Variants in HES2 observed in about 807,000 individuals in gnomAD.
The protein encoded by HES2 is hes family bHLH transcription factor 2.
Under a neutral mutation model 11.9 loss-of-function variants are expected in HES2, and 11 were observed. The ratio of observed to expected loss-of-function variants is 0.92; its 90% CI spans 0.58 to 1.53. The LOEUF is 1.53. Ranked by LOEUF, HES2 falls within the 40% of genes most tolerant of loss-of-function variation. The pLI, the probability that HES2 is intolerant of heterozygous loss-of-function variation, is 0.00. For missense variants in HES2, 260 were observed against 253.8 expected (o/e 1.02, Z -0.16); for synonymous variants, 125 against 122.8 (o/e 1.02, Z -0.12).
rs537924741 is a variant in HES2, at chr1:6,416,583, C to T, written c.*2290G>A. On this transcript the variant is annotated 3_prime_UTR_variant, in exon 4 of 4. Transcript: ENST00000377834. ...CTGGCCCATCTACAATCCTTCTCCC[C>T]GTGACTGCTTGAGTTGTAGCTTGAT... The T allele has an allele frequency of 2.6e-5, 4 of 152,298 alleles. No homozygotes were observed. Among genetic ancestry groups the T allele is most frequent in the South Asian group, 2.1e-4 (1 of 4,818 alleles). 9.4% of individuals were successfully genotyped at this position (152,298 alleles called of 1,614,324 possible).
chr1:6,415,388 A>G lies in HES2; in HGVS notation c.*3485T>C, dbSNP rs1642835000. On this transcript the variant is annotated 3_prime_UTR_variant, in exon 4 of 4. Coordinates refer to ENST00000377834, the MANE Select transcript of HES2 (RefSeq NM_019089.5). ...TTGTATCTGTGTGTCACACTTTCGC[A>G]ATTCTTGCAATATTTCAAACTTCTT... 6.6e-6 allele frequency: 1 copy of G among 151,446 alleles called. No homozygotes were observed. 9.4% of individuals were successfully genotyped at this position (151,446 alleles called of 1,614,324 possible).
chr1:6,419,716 G>A lies in HES2; in HGVS notation c.46-14C>T. 1.3e-6 allele frequency: 2 copies of A among 1,551,756 alleles called. No individual in the cohort carries two copies. The highest frequency in any genetic ancestry group is 1.2e-5 in the South Asian group (1 of 84,282). Reference sequence around the variant, plus strand: ...CGGCTTCAGGCTCTGCGGACGGGCGGCGCGGTGGTTAGACGGGTCCCCGGA... The same window carrying A: ...CGGCTTCAGGCTCTGCGGACGGGCGACGCGGTGGTTAGACGGGTCCCCGGA... On this transcript the variant is annotated splice_polypyrimidine_tract_variant and intron_variant, in intron 1 of 3. Transcript: ENST00000377834. The surrounding 1 kb of genome is among the most constrained non-coding windows in gnomAD (Gnocchi z 8.1).
rs1642892173 is a variant in HES2, at chr1:6,419,841, C to A, written c.-21G>T. 4 of 1,536,642 alleles carry A rather than the reference C, an allele frequency of 2.6e-6. No homozygotes were observed. Among genetic ancestry groups the A allele is most frequent in the Non-Finnish European group, 3.5e-6 (4 of 1,146,924 alleles). On this transcript the variant is annotated 5_prime_UTR_variant, in exon 1 of 4. Transcript: ENST00000377834. The surrounding 1 kb of genome is among the most constrained non-coding windows in gnomAD (Gnocchi z 8.1). ...CCCATGCTCCGCGGGGAAGCGGTGG[C>A]AGCTGCGAGCCCCACGCAAAGGGAA...
At position 6,419,224 on chromosome 1, in the gene HES2, A is replaced by G. The variant is rs772283479; in HGVS notation, c.241+17T>C. On this transcript the variant is annotated intron_variant, in intron 3 of 3. Coordinates refer to ENST00000377834, the MANE Select transcript of HES2 (RefSeq NM_019089.5). This position sits in a 1 kb window ranked among gnomAD's most constrained non-coding sequence, Gnocchi z 8.1. ...CGGGGTGCAGAGCGCGCGGCAGGGC[A>G]GGGAGGGCTCACTCACGGGGCGCTG... 6.2e-7 allele frequency: 1 copy of G among 1,604,006 alleles called. No homozygotes were observed. Among genetic ancestry groups the G allele is most frequent in the Admixed American group, 1.7e-5 (1 of 59,568 alleles).
At position 6,419,500 on chromosome 1, in the gene HES2, G is replaced by A; in HGVS notation, c.141+107C>T. The A allele has an allele frequency of 8.2e-7, 1 of 1,222,888 alleles. No homozygotes were observed. The highest frequency in any genetic ancestry group is 2.8e-5 in the East Asian group (1 of 36,242). 75.8% of individuals were successfully genotyped at this position (1,222,888 alleles called of 1,614,324 possible). ...GCCCACCCCACCCAGGCTCCGCCTC[G>A]GGCGCCGCGCGGAACCCCCTGGTGG... On this transcript the variant is annotated intron_variant, in intron 2 of 3. Coordinates refer to ENST00000377834, the MANE Select transcript of HES2 (RefSeq NM_019089.5). This position sits in a 1 kb window ranked among gnomAD's most constrained non-coding sequence, Gnocchi z 8.1.
chr1:6,419,738 C>T lies in HES2; in HGVS notation c.46-36G>A, dbSNP rs992695569. On this transcript the variant is annotated intron_variant, in intron 1 of 3. Coordinates refer to ENST00000377834, the MANE Select transcript of HES2 (RefSeq NM_019089.5). This position sits in a 1 kb window ranked among gnomAD's most constrained non-coding sequence, Gnocchi z 8.1. ...GCGGCGCGGTGGTTAGACGGGTCCC[C>T]GGAGTCCCCAGCCCCGCCCCCAGTC... 4 of 1,551,930 alleles carry T rather than the reference C, an allele frequency of 2.6e-6. No homozygotes were observed. The African/African-American group carries it at 4.1e-5, about 16-fold the overall frequency.
Position 6,419,610 on chromosome 1 carries a change from C to T in HES2, c.138G>A (p.Arg46=), listed in dbSNP as rs1571372948. The change falls in exon 2 of 4, where the codon CGG becomes CGA. Residue 46 remains arginine, a synonymous_variant. Coordinates refer to ENST00000377834, the MANE Select transcript of HES2 (RefSeq NM_019089.5). This position sits in a 1 kb window ranked among gnomAD's most constrained non-coding sequence, Gnocchi z 8.1. The stretch of plus-strand genomic sequence containing the variant: ...CCCTCCGCCCGGGCGCGCTCACCTC[C>T]CGGCCCAGCAGCGGCAGGATGAGCC... ...LKGLILPLLG[R]ENSNCSKLEK... 1 of 1,536,032 alleles carries T rather than the reference C, an allele frequency of 6.5e-7. No homozygotes were observed. The highest frequency in any genetic ancestry group is 8.7e-7 in the Non-Finnish European group (1 of 1,144,756).
chr1:6,419,089 G>T lies in HES2; in HGVS notation c.306C>A (p.Pro102=). ...ACVARLARVL[P]ACRVLEPAVS... ...CGGCGGGCTCCAGGACACGGCAGGC[G>T]GGCAGCACGCGGGCCAGGCGCGCCA... The change falls in exon 4 of 4, where the codon CCC becomes CCA. Residue 102 remains proline (P), a synonymous_variant. Transcript: ENST00000377834. The surrounding 1 kb of genome is among the most constrained non-coding windows in gnomAD (Gnocchi z 8.1). 1 of 1,501,474 alleles carries T rather than the reference G, an allele frequency of 6.7e-7. No individual in the cohort carries two copies. Among genetic ancestry groups the T allele is most frequent in the South Asian group, 1.2e-5 (1 of 80,642 alleles). 93.0% of individuals were successfully genotyped at this position (1,501,474 alleles called of 1,614,324 possible).
chr1:6,419,514 A>G lies in HES2; in HGVS notation c.141+93T>C. On this transcript the variant is annotated intron_variant, in intron 2 of 3. Coordinates refer to ENST00000377834, the MANE Select transcript of HES2 (RefSeq NM_019089.5). The surrounding 1 kb of genome is among the most constrained non-coding windows in gnomAD (Gnocchi z 8.1). ...GGCTCCGCCTCGGGCGCCGCGCGGA[A>G]CCCCCTGGTGGGTTCCTCCCGCAGG... 3.2e-6 allele frequency: 4 copies of G among 1,256,812 alleles called. No individual in the cohort carries two copies. In the South Asian group the frequency reaches 6.0e-5, roughly 19 times the overall value. The allele number at this position is 1,256,812 out of a possible 1,614,324, so 77.9% of individuals were successfully genotyped here.
rs747778516 is a variant in HES2 at position 6,419,834 on chromosome 1, G to T, written c.-14C>A. On this transcript the variant is annotated 5_prime_UTR_variant, in exon 1 of 4. Transcript: ENST00000377834. The surrounding 1 kb of genome is among the most constrained non-coding windows in gnomAD (Gnocchi z 8.1). ...AGGCAGCCCCATGCTCCGCGGGGAA[G>T]CGGTGGCAGCTGCGAGCCCCACGCA... The T allele has an allele frequency of 1.3e-6, 2 of 1,544,140 alleles. No homozygotes were observed. Among genetic ancestry groups the T allele is most frequent in the South Asian group, 1.2e-5 (1 of 82,582 alleles).
rs548519359 is a variant in HES2, at chr1:6,419,806, G to T, written c.15C>A (p.Arg5=). The change falls in exon 1 of 4, where the codon CGC becomes CGA. Residue 5 remains arginine, a synonymous_variant. Coordinates refer to ENST00000377834, the MANE Select transcript of HES2 (RefSeq NM_019089.5). The surrounding 1 kb of genome is among the most constrained non-coding windows in gnomAD (Gnocchi z 8.1). MGLP[R]RAGDAAELRK... The stretch of plus-strand genomic sequence containing the variant: ...GCAGCTCCGCCGCGTCCCCTGCCCG[G>T]CGAGGCAGCCCCATGCTCCGCGGGG... 113 of 1,563,900 alleles carry T rather than the reference G, an allele frequency of 7.2e-5. No homozygotes were observed. The South Asian group carries it at 1.2e-3, about 17-fold the overall frequency.
At position 6,418,057 on chromosome 1, in the gene HES2, T is replaced by C. The variant is rs1385985818; in HGVS notation, c.*816A>G. 1 of 152,260 alleles carries C rather than the reference T, an allele frequency of 6.6e-6. No homozygotes were observed. Among genetic ancestry groups the C allele is most frequent in the African/African-American group, 2.4e-5 (1 of 41,450 alleles). 9.4% of individuals were successfully genotyped at this position (152,260 alleles called of 1,614,324 possible). On this transcript the variant is annotated 3_prime_UTR_variant, in exon 4 of 4. Coordinates refer to ENST00000377834, the MANE Select transcript of HES2 (RefSeq NM_019089.5). The stretch of plus-strand genomic sequence containing the variant: ...CTGCTCACCCCACATTGGCACAGAC[T>C]CTGCTGGAGTCAGATCCTCCAAAGC...
chr1:6,419,734 TC>T lies in HES2; in HGVS notation c.46-33del. 6.5e-7 allele frequency: 1 copy of T among 1,549,944 alleles called. No homozygotes were observed. The highest frequency in any genetic ancestry group is 2.4e-5 in the East Asian group (1 of 40,898). On this transcript the variant is annotated intron_variant, in intron 1 of 3. Transcript: ENST00000377834. The surrounding 1 kb of genome is among the most constrained non-coding windows in gnomAD (Gnocchi z 8.1). The stretch of plus-strand genomic sequence containing the variant: ...ACGGGCGGCGCGGTGGTTAGACGGG[TC>T]CCCGGAGTCCCCAGCCCCGCCCCCA...
rs920546266 is a variant in HES2, at chr1:6,416,667, G to C, written c.*2206C>G. On this transcript the variant is annotated 3_prime_UTR_variant, in exon 4 of 4. Coordinates refer to ENST00000377834, the MANE Select transcript of HES2 (RefSeq NM_019089.5). ...AACTGAGATGGACTCTCAGAAGCAAGAGGTGGCAAGCATGGCGGAGAGGAA... is the reference window on the plus strand; with the variant it reads ...AACTGAGATGGACTCTCAGAAGCAACAGGTGGCAAGCATGGCGGAGAGGAA... 6.6e-6 allele frequency: 1 copy of C among 152,366 alleles called. No homozygotes were observed. Among genetic ancestry groups the C allele is most frequent in the Non-Finnish European group, 1.5e-5 (1 of 68,146 alleles). 9.4% of individuals were successfully genotyped at this position (152,366 alleles called of 1,614,324 possible). A position where few individuals can be genotyped will look rare whatever the true frequency, so the allele number is the denominator to read the frequency against.
chr1:6,419,041 G>A lies in HES2; in HGVS notation c.354C>T (p.His118=), dbSNP rs778987754. ...EPAVSARLLE[H]LWRRAASATL... ...TGGCGCTGGCCGCTCTCCGCCACAG[G>A]TGCTCCAGCAGGCGCGCGCTCACGG... Residue 118 remains histidine (H), a synonymous_variant, in exon 4 of 4, where the codon CAC becomes CAT. Coordinates refer to ENST00000377834, the MANE Select transcript of HES2 (RefSeq NM_019089.5). This position sits in a 1 kb window ranked among gnomAD's most constrained non-coding sequence, Gnocchi z 8.1. The A allele has an allele frequency of 8.2e-6, 12 of 1,465,402 alleles. No individual in the cohort carries two copies. The highest frequency in any genetic ancestry group is 9.8e-6 in the Non-Finnish European group (11 of 1,118,456). 90.8% of individuals were successfully genotyped at this position (1,465,402 alleles called of 1,614,324 possible).
At position 6,419,244 on chromosome 1, in the gene HES2, G is replaced by T. The variant is rs752300434; in HGVS notation, c.238C>A (p.Pro80Thr). Residue 80 changes from proline to threonine, a missense_variant, in exon 3 of 4, where the codon CCC (proline) becomes ACC (threonine). Pro to Thr is a conservative substitution (Grantham distance 38). Coordinates refer to ENST00000377834, the MANE Select transcript of HES2 (RefSeq NM_019089.5). The surrounding 1 kb of genome is among the most constrained non-coding windows in gnomAD (Gnocchi z 8.1). The stretch of plus-strand genomic sequence containing the variant: ...AGGGCAGGGAGGGCTCACTCACGGG[G>T]CGCTGCCGTGGGCCATGAGGACGCA... ...LPASSWPTAA[P>T]LPCDSYREGY... 1 of 1,608,778 alleles carries T rather than the reference G, an allele frequency of 6.2e-7. No homozygotes were observed. Among genetic ancestry groups the T allele is most frequent in the Non-Finnish European group, 8.5e-7 (1 of 1,178,740 alleles).
chr1:6,416,783 G>C lies in HES2; in HGVS notation c.*2090C>G, dbSNP rs992027994. The C allele has an allele frequency of 6.6e-6, 1 of 152,276 alleles. No individual in the cohort carries two copies. The highest frequency in any genetic ancestry group is 1.5e-5 in the Non-Finnish European group (1 of 68,082). 9.4% of individuals were successfully genotyped at this position (152,276 alleles called of 1,614,324 possible). A position where few individuals can be genotyped will look rare whatever the true frequency, so the allele number is the denominator to read the frequency against. On this transcript the variant is annotated 3_prime_UTR_variant, in exon 4 of 4. Coordinates refer to ENST00000377834, the MANE Select transcript of HES2 (RefSeq NM_019089.5). ...CAAGGGGCCAGTCCTGTGCCTGCCT[G>C]ATGTGGAGTCCTAGGCGGGCTTGGG...
rs1642879719 is a variant in HES2 at position 6,418,996 on chromosome 1, A to T, written c.399T>A (p.Ala133=). 5.8e-6 allele frequency: 8 copies of T among 1,368,852 alleles called. No homozygotes were observed. The East Asian group carries it at 2.4e-4, about 42-fold the overall frequency. 84.8% of individuals were successfully genotyped at this position (1,368,852 alleles called of 1,614,324 possible). A position where few individuals can be genotyped will look rare whatever the true frequency, so the allele number is the denominator to read the frequency against. ...GGGCAGACGGGCCACTGGAATCCCC[A>T]GCGCGCCCGCCGTCCAGGGTGGCGC... is the stretch of plus-strand genomic sequence containing the variant. ...AASATLDGGR[A]GDSSGPSAPA... is the part of the protein sequence containing the mutation. Residue 133 remains alanine (A), a synonymous_variant, in exon 4 of 4, where the codon GCT becomes GCA. Coordinates refer to ENST00000377834, the MANE Select transcript of HES2 (RefSeq NM_019089.5).
In HES2 at chr1:6,419,565, C is replaced by A; in HGVS notation, c.141+42G>T. The A allele has an allele frequency of 6.8e-7, 1 of 1,468,590 alleles. No individual in the cohort carries two copies. Among genetic ancestry groups the A allele is most frequent in the South Asian group, 1.3e-5 (1 of 79,600 alleles). 91.0% of individuals were successfully genotyped at this position (1,468,590 alleles called of 1,614,324 possible). A position where few individuals can be genotyped will look rare whatever the true frequency, so the allele number is the denominator to read the frequency against. On this transcript the variant is annotated intron_variant, in intron 2 of 3. Transcript: ENST00000377834. This position sits in a 1 kb window ranked among gnomAD's most constrained non-coding sequence, Gnocchi z 8.1. ...AGCACCCCGTCCCCCTGCCCCCGCT[C>A]CGCGCCCCAGGACCCTCTGCCCTCC...
Sources: gnomAD v4.1 joint callset for allele counts on GRCh38, gnomAD v4.1.1 for gene constraint, Gnocchi (gnomAD v3.1) non-coding constraint, MANE v1.5 for transcripts, NCBI Gene and HGNC (gene_info 2026-07-23, HGNC 2026-07-21) for gene names.